DOT1L: variants seen among roughly 807,000 people sequenced by gnomAD.
DOT1L encodes DOT1 like histone lysine methyltransferase.
Under a neutral mutation model 153.3 loss-of-function variants are expected in DOT1L, and 33 were observed. That is an observed-to-expected ratio of 0.22 (90% CI 0.16 to 0.29). DOT1L has a LOEUF of 0.29. DOT1L is among the 10% of genes least tolerant of loss of function. The pLI is 1.00. For missense variants in DOT1L, 1,847 were observed against 2,119.9 expected, an observed-to-expected ratio of 0.87 and a Z score of 2.53; for synonymous variants, 1,135 against 965.1, an observed-to-expected ratio of 1.18 and a Z score of -3.26.
chr19:2,220,042 T>G lies in DOT1L; in HGVS notation c.2692-66T>G. ...GCTGCAGGCCTCAACACTCACTGTT[T>G]CCAGCTGGGTTCTGGGTCTCCTGGG... On this transcript the variant is annotated intron_variant, in intron 22 of 27. Transcript: ENST00000398665. This position sits in a 1 kb window ranked among gnomAD's most constrained non-coding sequence, Gnocchi z 4.5. The G allele has an allele frequency of 2.7e-6, 4 of 1,459,546 alleles. No individual in the cohort carries two copies. Among genetic ancestry groups the G allele is most frequent in the Non-Finnish European group, 1.9e-6 (2 of 1,068,856 alleles). 90.4% of individuals were successfully genotyped at this position (1,459,546 alleles called of 1,614,324 possible).
At chr19:2,205,816 C>T (rs1164859008) in intron 9 of DOT1L, among the ~76,000 whole-genome samples, 2 of 152,002 alleles carry the variant, frequency 1.3e-5, no homozygotes, top group East Asian at 3.9e-4. Flanking sequence ...GCCCCAGCCT[C>T]CCGAGTAGCT....
chr19:2,200,110 G>A (rs2023188051), intron 8 of DOT1L, among the ~76,000 whole-genome samples, 171 bp downstream of exon 8: 1 of 152,030 alleles, frequency 6.6e-6, no homozygotes, highest in Admixed American at 6.5e-5. Flanking sequence ...CTCCCTCTGC[G>A]GGCGCGCAGA....
intron 1 of DOT1L, among the ~76,000 whole-genome samples, chr19:2,174,745 A>G (rs1331237819): frequency 6.6e-6 from 1 of 151,422 alleles, no homozygotes; most frequent in Non-Finnish European, 1.5e-5. Flanking sequence ...TCAGTCTCCC[A>G]AACAGCTGAG....
chr19:2,164,816 C>T (rs1450832355), intron 1 of DOT1L, among the ~76,000 whole-genome samples: 2 of 152,036 alleles, frequency 1.3e-5, no homozygotes, highest in Non-Finnish European at 2.9e-5. Flanking sequence ...TTTTTGTCCC[C>T]GTAATTTTGA....
intron 1 of DOT1L, among the ~76,000 whole-genome samples, chr19:2,179,989 C>T (rs74703719): frequency 0.035 from 5,271 of 152,080 alleles, 305 homozygotes; most frequent in African/African-American, 0.12. Context: ...GGTGTGGAGT[C>T]GGAGAGGCTT....
At chr19:2,182,537 C>T (rs538124218) in intron 2 of DOT1L, among the ~76,000 whole-genome samples, 125 of 152,256 alleles carry the variant, frequency 8.2e-4, no homozygotes, top group Non-Finnish European at 1.4e-3. Flanking sequence ...GAAACAAAAC[C>T]CAAACAAGAA....
In DOT1L at chr19:2,210,820, A is replaced by G; in HGVS notation, c.1316A>G (p.Gln439Arg). 1.9e-6 allele frequency: 3 copies of G among 1,612,806 alleles called. No individual in the cohort carries two copies. The highest frequency in any genetic ancestry group is 2.5e-6 in the Non-Finnish European group (3 of 1,179,976). Residue 439 changes from glutamine (Q) to arginine (R), a missense_variant, in exon 14 of 28, where the codon CAG (glutamine) becomes CGG (arginine). Coordinates refer to ENST00000398665, the MANE Select transcript of DOT1L (RefSeq NM_032482.3). ...NQTALDALHA[Q>R]TVSQTAASSP... ...ACTGCACTGGATGCCCTGCACGCTC[A>G]GACCGTGTCTCAGACGGCGGCCTCC...
intron 3 of DOT1L, among the ~76,000 whole-genome samples, chr19:2,187,139 A>T (rs2022549302): frequency 6.6e-6 from 1 of 152,100 alleles, no homozygotes. Flanking sequence ...AGCCCCCCAC[A>T]AGTCGCTTCC....
chr19:2,216,837 G>C, intron 20 of DOT1L, 72 bp downstream of exon 20: 1 of 1,554,612 alleles, frequency 6.4e-7, no homozygotes, highest in Non-Finnish European at 8.7e-7. Context: ...TCAGGCTGTC[G>C]GGTTCTCAGC....
rs755955642 is a variant in DOT1L, at chr19:2,226,859, G to A, written c.4338G>A (p.Pro1446=). Residue 1446 remains proline (P), a synonymous_variant, in exon 27 of 28, where the codon CCG becomes CCA. Transcript: ENST00000398665. ...GSLLSGPGLA[P]AASSAGGAAS... Reference sequence around the variant, plus strand: ...TCCTCAGCGGCCCCGGCCTGGCCCCGGCGGCGTCCTCCGCAGGCGGCGCGG... The same window carrying A: ...TCCTCAGCGGCCCCGGCCTGGCCCCAGCGGCGTCCTCCGCAGGCGGCGCGG... 5.7e-6 allele frequency: 9 copies of A among 1,577,858 alleles called. No individual in the cohort carries two copies. Among genetic ancestry groups the A allele is most frequent in the East Asian group, 2.3e-5 (1 of 42,734 alleles).
intron 27 of DOT1L, 89 bp downstream of exon 27, chr19:2,227,216 G>T (rs1210667720): frequency 2.0e-6 from 3 of 1,519,624 alleles, no homozygotes; most frequent in Non-Finnish European, 2.7e-6. Flanking sequence ...CTCTCTTGCA[G>T]CAGGAGCTGA....
Position 2,222,876 on chromosome 19 carries a change from G to C in DOT1L, c.3390+317G>C. The stretch of plus-strand genomic sequence containing the variant: ...GGCCACAGAGCGAGACTCCCTCTCG[G>C]GGGGACAAAAAAAAACACAAAAAAA... On this transcript the variant is annotated intron_variant, in intron 24 of 27. Transcript: ENST00000398665. The surrounding 1 kb of genome is among the most constrained non-coding windows in gnomAD (Gnocchi z 6.5). 1 of 411,382 alleles carries C rather than the reference G, an allele frequency of 2.4e-6. No homozygotes were observed. The highest frequency in any genetic ancestry group is 4.3e-6 in the Non-Finnish European group (1 of 231,680). 25.5% of individuals were successfully genotyped at this position (411,382 alleles called of 1,614,324 possible). A position where few individuals can be genotyped will look rare whatever the true frequency, so the allele number is the denominator to read the frequency against.
Position 2,197,815 on chromosome 19 carries a change from G to A in DOT1L, c.652-2069G>A, listed in dbSNP as rs1027539883. 6.6e-6 allele frequency among the ~76,000 whole-genome samples: 1 copy of A among 152,212 alleles called. No individual in the cohort carries two copies. The highest frequency in any genetic ancestry group is 1.5e-5 in the Non-Finnish European group (1 of 68,042). On this transcript the variant is annotated intron_variant, in intron 7 of 27. Transcript: ENST00000398665. This position sits in a 1 kb window ranked among gnomAD's most constrained non-coding sequence, Gnocchi z 4.1. ...GTACCAGCCTCTGCCTCTGGCATCC[G>A]TCCTGTTTACAGCCAACCCTGCTGC...
chr19:2,215,472 G>A (rs929843671), intron 19 of DOT1L: 3 of 152,304 alleles, frequency 2.0e-5, no homozygotes, highest in African/African-American at 7.2e-5. Flanking sequence ...CCATCCCGTC[G>A]ACACTGTGCC....
intron 9 of DOT1L, 52 bp from the exon 10 acceptor site, chr19:2,206,677 G>A (rs1346852461): frequency 7.6e-6 from 12 of 1,582,430 alleles, no homozygotes; most frequent in Middle Eastern, 3.3e-4. Flanking sequence ...AGTGGTGTCT[G>A]CTCTTCTGTT....
chr19:2,230,250 G>C lies in DOT1L; in HGVS notation c.*458G>C, dbSNP rs772443187. The C allele has an allele frequency of 9.6e-6, 4 of 417,138 alleles. No individual in the cohort carries two copies. The South Asian group carries it at 3.5e-4, about 37-fold the overall frequency. The allele number at this position is 417,138 out of a possible 1,614,324, so 25.8% of individuals were successfully genotyped here. ...GCCGAACCCCGTTCTCGGAAACGCC[G>C]CCCGGCCGGCTCCCCCGACGCGCTG... is the stretch of plus-strand genomic sequence containing the variant. On this transcript the variant is annotated 3_prime_UTR_variant, in exon 28 of 28. Transcript: ENST00000398665.
At chr19:2,183,953 C>A (rs1053173375) in intron 2 of DOT1L, among the ~76,000 whole-genome samples, 3 of 143,822 alleles carry the variant, frequency 2.1e-5, no homozygotes, top group African/African-American at 4.9e-5. Context: ...GGCATTTTGA[C>A]AATCCTTTGC....
At chr19:2,225,892 C>T (rs888909234) in intron 26 of DOT1L, among the ~76,000 whole-genome samples, 3 of 152,216 alleles carry the variant, frequency 2.0e-5, no homozygotes, top group African/African-American at 7.2e-5. Flanking sequence ...CCCGCATGGC[C>T]TCTGAGACCC....
intron 3 of DOT1L, 28 bp downstream of exon 3, chr19:2,185,957 G>C (rs367722837): frequency 6.2e-7 from 1 of 1,608,416 alleles, no homozygotes; most frequent in Admixed American, 1.7e-5. Context: ...CAGCCGCTCC[G>C]CTCCGAGGAC....
Sources: allele counts gnomAD v4.1 joint callset (sites outside exome capture counted in the v4.1 genomes callset), GRCh38; gene constraint gnomAD v4.1.1; non-coding constraint Gnocchi (gnomAD v3.1); transcripts MANE v1.5; gene names NCBI Gene and HGNC (gene_info 2026-07-23, HGNC 2026-07-21).